Variants in COL25A1 observed in about 807,000 individuals in gnomAD.
The protein encoded by COL25A1 is collagen type XXV alpha 1 chain, also known as collagen alpha-1(XXV) chain.
COL25A1 carries 103 observed loss-of-function variants against 128.4 expected under a neutral mutation model. That is an observed-to-expected ratio of 0.80 (90% confidence interval 0.68 to 0.94). The LOEUF (loss-of-function observed/expected upper bound fraction) is 0.94. Among genes scored for constraint, COL25A1 ranks in the 40% least tolerant of loss-of-function variants. The pLI is 0.00. For missense variants in COL25A1, 745 were observed against 840.0 expected, an observed-to-expected ratio of 0.89 and a Z score of 1.40; for synonymous variants, 279 against 277.2, an observed-to-expected ratio of 1.01 and a Z score of -0.06.
intron 11 of COL25A1, among the ~76,000 whole-genome samples, chr4:108,922,017 G>A (rs1745547241): frequency 6.6e-6 from 1 of 152,068 alleles, no homozygotes; most frequent in African/African-American, 2.4e-5. Flanking sequence ...AGGAAGAAGA[G>A]CCCCTCCTCC....
At chr4:109,113,175 CTT>C (rs1767185114) in intron 3 of COL25A1, among the ~76,000 whole-genome samples, 1 of 152,070 alleles carries the variant, frequency 6.6e-6, no homozygotes, top group African/African-American at 2.4e-5. Context: ...TCCCTGATCT[CTT>C]TGGGAAAAAA....
intron 8 of COL25A1, among the ~76,000 whole-genome samples, chr4:108,958,592 T>C (rs546079283): frequency 6.6e-6 from 1 of 152,158 alleles, no homozygotes; most frequent in East Asian, 1.9e-4. Flanking sequence ...AAGGAGTGAC[T>C]CTGAAATTCT....
intron 31 of COL25A1, among the ~76,000 whole-genome samples, chr4:108,838,572 G>C (rs1405410029): frequency 1.3e-5 from 2 of 152,192 alleles, no homozygotes; most frequent in African/African-American, 4.8e-5. Context: ...TGGAAAACTG[G>C]AATATGCAGG....
rs535017292 is a variant in COL25A1 at position 109,197,700 on chromosome 4, A to T, written c.367+102883T>A. On this transcript the variant is annotated intron_variant, in intron 3 of 37. Transcript: ENST00000399132. ...AAACCCTATTTCACTTAACATACCA[A>T]GCCAACACCTTACTCCAGAGTCTTT... Among the ~76,000 whole-genome samples the T allele has an allele frequency of 4.6e-5, 7 of 151,172 alleles. No homozygotes were observed. In the South Asian group the frequency reaches 1.0e-3, roughly 22 times the overall value.
intron 11 of COL25A1, among the ~76,000 whole-genome samples, chr4:108,937,299 T>C (rs539500071): frequency 9.2e-5 from 14 of 152,110 alleles, no homozygotes; most frequent in African/African-American, 3.4e-4. Context: ...GACCTGTGTG[T>C]CTATGAGTAA....
At chr4:109,064,948 A>G (rs1454033546) in intron 3 of COL25A1, among the ~76,000 whole-genome samples, 2 of 152,202 alleles carry the variant, frequency 1.3e-5, no homozygotes, top group African/African-American at 4.8e-5. Context: ...TTGAGGAGGT[A>G]CAGGGTAGAA....
rs147908750 is a variant in COL25A1, at chr4:109,184,874, A to G, written c.367+115709T>C. On this transcript the variant is annotated intron_variant, in intron 3 of 37. Transcript: ENST00000399132. ...TGAGGAAACTCATTCCTTATTCAAC[A>G]GCTCAAACTATTACAAAGCTCCTGT... Among the ~76,000 whole-genome samples the G allele has an allele frequency of 4.8e-4, 73 of 152,238 alleles. 2 individuals are homozygous for G. The East Asian group carries it at 0.013, about 27-fold the overall frequency.
chr4:108,897,218 A>T (rs1246030949), intron 15 of COL25A1, among the ~76,000 whole-genome samples: 1 of 152,162 alleles, frequency 6.6e-6, no homozygotes, highest in Non-Finnish European at 1.5e-5. Flanking sequence ...AAACCTGTGG[A>T]CTGAATATTG....
At chr4:109,230,950 C>T (rs913513082) in intron 3 of COL25A1, among the ~76,000 whole-genome samples, 6 of 152,012 alleles carry the variant, frequency 3.9e-5, no homozygotes, top group Admixed American at 1.3e-4. Context: ...ACCATGCTGG[C>T]CAACATGGTG....
chr4:109,200,916 C>A (rs1317503195), intron 3 of COL25A1, among the ~76,000 whole-genome samples: 1 of 152,108 alleles, frequency 6.6e-6, no homozygotes, highest in Admixed American at 6.5e-5. Flanking sequence ...ACATGATTCC[C>A]AAAACCCTCT....
intron 13 of COL25A1, among the ~76,000 whole-genome samples, chr4:108,903,444 A>C (rs979556970): frequency 2.0e-5 from 3 of 152,050 alleles, no homozygotes; most frequent in African/African-American, 4.8e-5. Context: ...TGTCTTGTGA[A>C]TAGTTTAATC....
chr4:108,910,227 T>C (rs1744045400), intron 13 of COL25A1, among the ~76,000 whole-genome samples: 1 of 152,180 alleles, frequency 6.6e-6, no homozygotes, highest in African/African-American at 2.4e-5. Flanking sequence ...TTATTCTTTC[T>C]CTTGGAAAGA....
intron 31 of COL25A1, among the ~76,000 whole-genome samples, chr4:108,839,385 A>G (rs1306804274): frequency 1.3e-5 from 2 of 152,222 alleles, no homozygotes; most frequent in Non-Finnish European, 2.9e-5. Flanking sequence ...GATTTTGAAG[A>G]TAGGATGTTT....
intron 3 of COL25A1, among the ~76,000 whole-genome samples, chr4:109,236,276 T>C (rs1024029686): frequency 6.6e-6 from 1 of 152,102 alleles, no homozygotes; most frequent in African/African-American, 2.4e-5. Flanking sequence ...CTTTATGTTA[T>C]ACACAATTTT....
At chr4:109,271,362 C>T (rs1385456457) in intron 3 of COL25A1, among the ~76,000 whole-genome samples, 4 of 152,210 alleles carry the variant, frequency 2.6e-5, no homozygotes, top group Non-Finnish European at 5.9e-5. Flanking sequence ...AACTATATTA[C>T]ATATTTCCTT....
intron 7 of COL25A1, 58 bp downstream of exon 7, chr4:108,974,475 T>A (rs1197388579): frequency 6.8e-6 from 11 of 1,606,848 alleles, no homozygotes; most frequent in Non-Finnish European, 9.4e-6. Flanking sequence ...TGTAACACAG[T>A]ATAGGTCACG....
intron 6 of COL25A1, among the ~76,000 whole-genome samples, chr4:108,977,584 A>G (rs964613604): frequency 3.3e-5 from 5 of 152,186 alleles, no homozygotes; most frequent in African/African-American, 1.2e-4. Flanking sequence ...AAAAAATACA[A>G]TTGAGGTTCT....
chr4:109,212,464 T>TGG (rs753120712), intron 3 of COL25A1, among the ~76,000 whole-genome samples: 1 of 152,146 alleles, frequency 6.6e-6, no homozygotes, highest in Non-Finnish European at 1.5e-5. Context: ...AAAGTCCTAT[T>TGG]GGGAGGCTGA....
At chr4:109,221,392 C>A (rs1280016388) in intron 3 of COL25A1, among the ~76,000 whole-genome samples, 2 of 152,058 alleles carry the variant, frequency 1.3e-5, no homozygotes, top group Non-Finnish European at 2.9e-5. Context: ...AAAATCTATA[C>A]CTGTAGGAAT....
Sources: gnomAD v4.1 joint callset for allele counts (sites outside exome capture counted in the v4.1 genomes callset) on GRCh38, gnomAD v4.1.1 for gene constraint, MANE v1.5 for transcripts, NCBI Gene and HGNC (gene_info 2026-07-23, HGNC 2026-07-21) for gene names.